FBLN7: variants seen among roughly 807,000 people sequenced by gnomAD.
FBLN7 encodes the protein fibulin-7.
FBLN7 carries 31 observed loss-of-function variants against 44.0 expected under a neutral mutation model. That is an observed-to-expected ratio of 0.70 (90% confidence interval 0.53 to 0.95). The LOEUF (loss-of-function observed/expected upper bound fraction) is 0.95. Ranked by LOEUF, FBLN7 falls within the 40% of genes least tolerant of loss-of-function variation. FBLN7 has a pLI of 0.00. For synonymous variants in FBLN7, 262 were observed against 253.4 expected, an observed-to-expected ratio of 1.03 and a Z score of -0.32; for missense variants, 573 against 618.5, an observed-to-expected ratio of 0.93 and a Z score of 0.78.
At chr2:112,146,426 A>G (rs1189507219) in intron 1 of FBLN7, among the ~76,000 whole-genome samples, 1 of 152,216 alleles carries the variant, frequency 6.6e-6, no homozygotes, top group Non-Finnish European at 1.5e-5. Flanking sequence ...AAATGTACTG[A>G]GTCTTCCAAT....
chr2:112,233,215 C>G, the FBLN7 span: 1 of 1,281,548 alleles, frequency 7.8e-7, no homozygotes, highest in African/African-American at 1.5e-5. Flanking sequence ...TTAAAATGTT[C>G]ATGTAAATAT....
At chr2:112,175,637 C>T in intron 3 of FBLN7, 77 bp from the exon 4 acceptor site, 1 of 1,555,730 alleles carries the variant, frequency 6.4e-7, no homozygotes, top group Non-Finnish European at 8.8e-7. Flanking sequence ...GAAGTTAACC[C>T]TTCATCAGTT....
At chr2:112,235,862 C>A in the FBLN7 span, among the ~76,000 whole-genome samples, 2 of 151,276 alleles carry the variant, frequency 1.3e-5, no homozygotes, top group Non-Finnish European at 2.9e-5. Flanking sequence ...GACTCAGTGG[C>A]CTTTGAAATG....
chr2:112,175,207 G>C (rs779247267), intron 3 of FBLN7, among the ~76,000 whole-genome samples: 3 of 152,214 alleles, frequency 2.0e-5, no homozygotes, highest in Non-Finnish European at 2.9e-5. Flanking sequence ...CCCAACCCTG[G>C]ACATTCCAGT....
the FBLN7 span, among the ~76,000 whole-genome samples, chr2:112,193,465 T>G: frequency 2.6e-5 from 4 of 152,108 alleles, no homozygotes; most frequent in African/African-American, 9.7e-5. Context: ...TGGCATAGTA[T>G]ATGAAGAGAG....
intron 1 of FBLN7, among the ~76,000 whole-genome samples, chr2:112,154,284 GT>G (rs1681307014): frequency 6.6e-6 from 1 of 152,200 alleles, no homozygotes. Context: ...GCCACGACTG[GT>G]TTTGAAGGGA....
chr2:112,221,286 G>C, the FBLN7 span, among the ~76,000 whole-genome samples: 1 of 152,156 alleles, frequency 6.6e-6, no homozygotes, highest in African/African-American at 2.4e-5. Context: ...CCTTGGTACT[G>C]TCCTAGTGAT....
chr2:112,227,217 A>ATTAGAAAGG, the FBLN7 span, among the ~76,000 whole-genome samples: 1 of 152,252 alleles, frequency 6.6e-6, no homozygotes, highest in Non-Finnish European at 1.5e-5. Flanking sequence ...AATAAAAAGC[A>ATTAGAAAGG]TTAGAAAGGT....
chr2:112,200,101 CTT>C, the FBLN7 span, among the ~76,000 whole-genome samples: 8 of 152,216 alleles, frequency 5.3e-5, no homozygotes, highest in Admixed American at 5.2e-4. Flanking sequence ...GTAAACCTGA[CTT>C]TGTTGACTAT....
intron 3 of FBLN7, among the ~76,000 whole-genome samples, chr2:112,166,112 A>G (rs990763801): frequency 1.3e-5 from 2 of 152,196 alleles, no homozygotes; most frequent in African/African-American, 4.8e-5. Context: ...GTGCAGTGGC[A>G]TAATCTCAGC....
chr2:112,141,185 C>T (rs1382459000), intron 1 of FBLN7, among the ~76,000 whole-genome samples: 1 of 152,214 alleles, frequency 6.6e-6, no homozygotes, highest in Non-Finnish European at 1.5e-5. Context: ...ATCTTCCAGT[C>T]ACTTCATTCC....
At chr2:112,203,041 C>A in the FBLN7 span, among the ~76,000 whole-genome samples, 1 of 151,994 alleles carries the variant, frequency 6.6e-6, no homozygotes, top group Non-Finnish European at 1.5e-5. Context: ...AAAACAAAAA[C>A]AAACAAACAA....
chr2:112,152,278 C>G (rs1260416962), intron 1 of FBLN7: 1 of 152,310 alleles, frequency 6.6e-6, no homozygotes, highest in African/African-American at 2.4e-5. Context: ...GTGCCACGTC[C>G]TGCGCTGTCA....
Position 112,185,348 on chromosome 2 carries a change from C to A in FBLN7, c.947+9C>A. On this transcript the variant is annotated intron_variant, in intron 7 of 7. Coordinates refer to ENST00000331203, the MANE Select transcript of FBLN7 (RefSeq NM_153214.3). ...GTGAAGACGTCTCCATTGTGAGTAT[C>A]TCCAGGGGAGGCACACCCTCACCCA... is the stretch of plus-strand genomic sequence containing the variant. The A allele has an allele frequency of 1.2e-6, 2 of 1,609,990 alleles. No individual in the cohort carries two copies. Among genetic ancestry groups the A allele is most frequent in the East Asian group, 2.2e-5 (1 of 44,796 alleles).
At chr2:112,203,693 T>A in the FBLN7 span, among the ~76,000 whole-genome samples, 3 of 152,158 alleles carry the variant, frequency 2.0e-5, no homozygotes, top group Non-Finnish European at 4.4e-5. Flanking sequence ...AGGACATACC[T>A]GAGACTGGGA....
the FBLN7 span, among the ~76,000 whole-genome samples, chr2:112,241,962 G>A: frequency 1.3e-5 from 2 of 152,150 alleles, no homozygotes; most frequent in African/African-American, 4.8e-5. Context: ...GCACAAAGTG[G>A]ACTGAGAATT....
chr2:112,192,082 A>G (rs1683510046), downstream of FBLN7, among the ~76,000 whole-genome samples: 1 of 152,112 alleles, frequency 6.6e-6, no homozygotes, highest in Admixed American at 6.6e-5. Context: ...ATAGAACCAT[A>G]TAGTATGTTT....
At chr2:112,196,815 A>C in the FBLN7 span, among the ~76,000 whole-genome samples, 1 of 152,194 alleles carries the variant, frequency 6.6e-6, no homozygotes, top group Non-Finnish European at 1.5e-5. Context: ...TAATTTATAA[A>C]GAAAAAGAGG....
At chr2:112,159,971 C>G in intron 2 of FBLN7, 136 bp downstream of exon 2, 1 of 594,052 alleles carries the variant, frequency 1.7e-6, no homozygotes, top group Non-Finnish European at 2.5e-6. Flanking sequence ...GTGGCCCCCC[C>G]TTTTTTATTT....
Sources: allele counts gnomAD v4.1 joint callset (sites outside exome capture counted in the v4.1 genomes callset), GRCh38; gene constraint gnomAD v4.1.1; transcripts MANE v1.5; gene names NCBI Gene and HGNC (gene_info 2026-07-23, HGNC 2026-07-21).